The following ATP8A2 variants were observed in gnomAD, a reference collection of about 807,000 sequenced individuals.
ATP8A2 encodes the protein ATPase phospholipid transporting 8A2, also known as phospholipid-transporting ATPase IB.
ATP8A2 carries 100 observed loss-of-function variants against 165.6 expected under a neutral mutation model. The ratio of observed to expected loss-of-function variants is 0.60; its 90% CI spans 0.51 to 0.71. The LOEUF is 0.71. Among genes scored for constraint, ATP8A2 ranks in the 30% least tolerant of loss-of-function variants. ATP8A2 has a pLI of 0.00. For missense variants in ATP8A2, 1,227 were observed against 1,479.5 expected, an observed-to-expected ratio of 0.83 and a Z score of 2.80; for synonymous variants, 543 against 548.8, an observed-to-expected ratio of 0.99 and a Z score of 0.15.
intron 32 of ATP8A2, among the ~76,000 whole-genome samples, chr13:25,861,915 C>T (rs770745587): frequency 1.3e-5 from 2 of 152,272 alleles, no homozygotes; most frequent in East Asian, 3.9e-4. Context: ...TAAATAAAAA[C>T]ATCTTATTTA....
At chr13:25,658,975 C>T (rs1279938103) in intron 24 of ATP8A2, among the ~76,000 whole-genome samples, 1 of 152,178 alleles carries the variant, frequency 6.6e-6, no homozygotes, top group Admixed American at 6.5e-5. Context: ...TATTATTACA[C>T]CATTATTTAC....
intron 24 of ATP8A2, among the ~76,000 whole-genome samples, chr13:25,629,030 C>G (rs1407978368): frequency 6.6e-6 from 1 of 152,176 alleles, no homozygotes; most frequent in South Asian, 2.1e-4. Context: ...ACCTATGAGA[C>G]TAATAGGTCT....
chr13:25,699,558 A>G (rs1012718773), intron 25 of ATP8A2, among the ~76,000 whole-genome samples: 2 of 152,204 alleles, frequency 1.3e-5, no homozygotes, highest in African/African-American at 4.8e-5. Context: ...TTGTCTTCTG[A>G]GAAGATAAAA....
At chr13:25,807,398 A>G (rs1950765903) in intron 27 of ATP8A2, among the ~76,000 whole-genome samples, 1 of 152,126 alleles carries the variant, frequency 6.6e-6, no homozygotes, top group South Asian at 2.1e-4. Flanking sequence ...ATTCTTTTGC[A>G]TGTTGATATA....
rs541965921 is a variant in ATP8A2 at position 25,433,043 on chromosome 13, T to A, written c.77-35934T>A. ...AATCTGAGTTAGTCTGTAGAATGGC[T>A]TCTATTTCTTTTAAATCTGATCTGT... On this transcript the variant is annotated intron_variant, in intron 1 of 36. Coordinates refer to ENST00000381655, the MANE Select transcript of ATP8A2 (RefSeq NM_016529.6). Among the ~76,000 whole-genome samples, 3 of 152,282 alleles carry A rather than the reference T, an allele frequency of 2.0e-5. No individual in the cohort carries two copies. The East Asian group carries it at 5.8e-4, about 29-fold the overall frequency.
At chr13:25,525,733 T>A (rs2137874777) in intron 2 of ATP8A2, among the ~76,000 whole-genome samples, 1 of 152,254 alleles carries the variant, frequency 6.6e-6, no homozygotes, top group East Asian at 1.9e-4. Context: ...ACTTTTAGGA[T>A]CCTCTTTGTC....
At chr13:26,002,562 TAAA>T (rs56339912) in intron 35 of ATP8A2, among the ~76,000 whole-genome samples, 3,536 of 135,452 alleles carry the variant, frequency 0.026, 127 homozygotes, top group African/African-American at 0.082. Flanking sequence ...CTTAAAGTAT[TAAA>T]AAAAAAAAAA....
intron 24 of ATP8A2, among the ~76,000 whole-genome samples, chr13:25,682,382 G>A (rs1395019742): frequency 2.0e-5 from 3 of 152,136 alleles, no homozygotes; most frequent in African/African-American, 7.2e-5. Flanking sequence ...TCACCTTCCA[G>A]CCTAAGAGGC....
At chr13:25,661,305 G>A (rs73171919) in intron 24 of ATP8A2, among the ~76,000 whole-genome samples, 11,427 of 152,208 alleles carry the variant, frequency 0.075, 535 homozygotes, top group Non-Finnish European at 0.11. Flanking sequence ...GTCTAGGTGT[G>A]TACATTAGCT....
chr13:25,659,390 C>G (rs2042002110), intron 24 of ATP8A2, among the ~76,000 whole-genome samples: 1 of 152,138 alleles, frequency 6.6e-6, no homozygotes, highest in Admixed American at 6.6e-5. Flanking sequence ...GTTTTGAGGC[C>G]AACTGCATGC....
chr13:25,967,478 A>G (rs1955805177), intron 34 of ATP8A2, among the ~76,000 whole-genome samples: 1 of 152,218 alleles, frequency 6.6e-6, no homozygotes, highest in South Asian at 2.1e-4. Context: ...AGGATTCTGC[A>G]GGAAGAGCCC....
In ATP8A2 at chr13:25,615,632, T is replaced by C. The variant is rs527759869; in HGVS notation, c.2211+25933T>C. On this transcript the variant is annotated intron_variant, in intron 24 of 36. Coordinates refer to ENST00000381655, the MANE Select transcript of ATP8A2 (RefSeq NM_016529.6). ...CTGGAGGTCTTTTCCCTGTGGTCTT[T>C]CCCTGATTCCACTGGTAGCCCTCCC... is the stretch of plus-strand genomic sequence containing the variant. Among the ~76,000 whole-genome samples the C allele has an allele frequency of 2.0e-4, 30 of 152,276 alleles. No homozygotes were observed. In the Middle Eastern group the frequency reaches 0.01, roughly 52 times the overall value.
intron 33 of ATP8A2, among the ~76,000 whole-genome samples, chr13:25,930,608 G>A (rs947137673): frequency 9.2e-5 from 14 of 152,142 alleles, no homozygotes; most frequent in Admixed American, 2.0e-4. Context: ...TATTTGTTTC[G>A]TGTTAACATG....
intron 24 of ATP8A2, among the ~76,000 whole-genome samples, chr13:25,681,236 T>A (rs61947312): frequency 0.038 from 5,809 of 152,290 alleles, 165 homozygotes; most frequent in Middle Eastern, 0.099. Flanking sequence ...TGCTTGACTG[T>A]CTCTCCCTCT....
chr13:25,441,361 T>C (rs1461772395), intron 1 of ATP8A2, among the ~76,000 whole-genome samples: 2 of 152,214 alleles, frequency 1.3e-5, no homozygotes, highest in African/African-American at 2.4e-5. Context: ...CTTTTGGCAA[T>C]TGAATGCTTT....
intron 35 of ATP8A2, among the ~76,000 whole-genome samples, chr13:26,002,085 G>T (rs1016369638): frequency 6.6e-5 from 10 of 152,276 alleles, no homozygotes; most frequent in Non-Finnish European, 1.2e-4. Flanking sequence ...AATGTGAAAT[G>T]ATTAAATCAA....
chr13:25,935,720 A>G (rs966300591), intron 33 of ATP8A2, among the ~76,000 whole-genome samples: 2 of 152,174 alleles, frequency 1.3e-5, no homozygotes, highest in South Asian at 2.1e-4. Context: ...CCAAGCCATT[A>G]GTGAGGGATC....
intron 33 of ATP8A2, among the ~76,000 whole-genome samples, chr13:25,914,216 C>T (rs1954202181): frequency 6.6e-6 from 1 of 152,152 alleles, no homozygotes; most frequent in Non-Finnish European, 1.5e-5. Flanking sequence ...GAGTTCAGCC[C>T]TTCCTGGATT....
intron 2 of ATP8A2, among the ~76,000 whole-genome samples, chr13:25,514,085 G>T (rs914387800): frequency 9.2e-5 from 14 of 151,956 alleles, no homozygotes; most frequent in Non-Finnish European, 1.8e-4. Flanking sequence ...CTTTTATTTT[G>T]CATCTTGTTT....
Sources: gnomAD v4.1 joint callset for allele counts (sites outside exome capture counted in the v4.1 genomes callset) on GRCh38, gnomAD v4.1.1 for gene constraint, MANE v1.5 for transcripts, NCBI Gene and HGNC (gene_info 2026-07-23, HGNC 2026-07-21) for gene names.